MICU2: variants seen among roughly 807,000 people sequenced by gnomAD.
MICU2 encodes calcium uptake protein 2, mitochondrial.
MICU2 carries 64 observed loss-of-function variants against 60.4 expected under a neutral mutation model. That is an observed-to-expected ratio of 1.06 (90% CI 0.87 to 1.31). MICU2 has a LOEUF of 1.31. MICU2 is among the 50% of genes most tolerant of loss of function. The pLI is 0.00. For synonymous variants in MICU2, 201 were observed against 175.0 expected (o/e 1.15, Z -1.17); for missense variants, 569 against 531.0 (o/e 1.07, Z -0.70).
intron 2 of MICU2, among the ~76,000 whole-genome samples, chr13:21,551,594 C>A (rs552191299): frequency 8.6e-6 from 1 of 115,948 alleles, no homozygotes; most frequent in African/African-American, 3.3e-5. Context: ...CCCCTCCCCC[C>A]ACCCCACAAC....
At chr13:21,585,991 A>G (rs1244465889) in intron 1 of MICU2, among the ~76,000 whole-genome samples, 3 of 152,208 alleles carry the variant, frequency 2.0e-5, no homozygotes, top group East Asian at 3.8e-4. Flanking sequence ...AAGGTTTATG[A>G]AAAAACATTT....
intron 6 of MICU2, 80 bp downstream of exon 6, chr13:21,521,165 G>C: frequency 1.8e-6 from 2 of 1,108,272 alleles, no homozygotes; most frequent in Non-Finnish European, 1.3e-6. Context: ...ATACAATTTT[G>C]ATTTTAATGG....
In MICU2 at chr13:21,500,256, T is replaced by A. The variant is rs1179550252; in HGVS notation, c.933+2670A>T. 4.6e-5 allele frequency among the ~76,000 whole-genome samples: 7 copies of A among 152,182 alleles called. No individual in the cohort carries two copies. In the East Asian group the frequency reaches 1.3e-3, roughly 29 times the overall value. ...TTCTTTGTGTCTGACTCAATAGTCTTGTATCTTCTGCAAGCATCCATGAAA... is the reference window on the plus strand; with the variant it reads ...TTCTTTGTGTCTGACTCAATAGTCTAGTATCTTCTGCAAGCATCCATGAAA... On this transcript the variant is annotated intron_variant, in intron 9 of 11. Coordinates refer to ENST00000382374, the MANE Select transcript of MICU2 (RefSeq NM_152726.3).
intron 4 of MICU2, among the ~76,000 whole-genome samples, chr13:21,529,886 T>C (rs113733384): frequency 0.025 from 3,735 of 152,160 alleles, 115 homozygotes; most frequent in African/African-American, 0.073. Context: ...AGTAGATGTG[T>C]TGGAGGGATG....
intron 1 of MICU2, among the ~76,000 whole-genome samples, chr13:21,592,588 T>C (rs1303267637): frequency 6.6e-6 from 1 of 152,204 alleles, no homozygotes; most frequent in African/African-American, 2.4e-5. Context: ...ATATCCCTGA[T>C]GAACATTGAT....
At chr13:21,586,808 T>C (rs1593357591) in intron 1 of MICU2, among the ~76,000 whole-genome samples, 1 of 152,350 alleles carries the variant, frequency 6.6e-6, no homozygotes, top group East Asian at 1.9e-4. Flanking sequence ...CGCAGCATTT[T>C]TCTAAGTCAC....
chr13:21,603,988 C>T lies in MICU2; in HGVS notation c.161G>A (p.Ser54Asn), dbSNP rs769721021. The T allele has an allele frequency of 2.5e-6, 4 of 1,612,052 alleles. No homozygotes were observed. The highest frequency in any genetic ancestry group is 2.2e-5 in the South Asian group (2 of 91,052). Reference protein sequence around the residue: ...LAGAGAAWHHSRVSVAARDGS... With the variant: ...LAGAGAAWHHNRVSVAARDGS... ...ATCCCGCGCCGCAACACTGACGCGGCTGTGGTGCCAGGCCGCTCCTGCTCC... is the reference window on the plus strand; with the variant it reads ...ATCCCGCGCCGCAACACTGACGCGGTTGTGGTGCCAGGCCGCTCCTGCTCC... Residue 54 changes from serine to asparagine, a missense_variant, in exon 1 of 12, where the codon AGC (serine) becomes AAC (asparagine). By Grantham distance (46) the Ser-to-Asn change is conservative. Transcript: ENST00000382374.
chr13:21,516,017 C>T (rs1886560959), intron 6 of MICU2, among the ~76,000 whole-genome samples: 1 of 152,144 alleles, frequency 6.6e-6, no homozygotes, highest in South Asian at 2.1e-4. Context: ...CAGAATTCTA[C>T]AACAAGTCAC....
chr13:21,586,630 T>A (rs1341916279), intron 1 of MICU2, among the ~76,000 whole-genome samples: 1 of 152,136 alleles, frequency 6.6e-6, no homozygotes, highest in Admixed American at 6.5e-5. Flanking sequence ...CAGGCTGGCC[T>A]CAAACTCCTG....
intron 4 of MICU2, chr13:21,530,754 C>T (rs1886974296): frequency 1.8e-6 from 1 of 570,820 alleles, no homozygotes; most frequent in Non-Finnish European, 3.1e-6. Context: ...CAGCCCCCAC[C>T]CCAGCCATAC....
At chr13:21,540,203 A>G (rs1234751897) in intron 2 of MICU2, among the ~76,000 whole-genome samples, 1 of 152,174 alleles carries the variant, frequency 6.6e-6, no homozygotes, top group Non-Finnish European at 1.5e-5. Flanking sequence ...TTCCTACTGG[A>G]TAACAGAGAT....
Position 21,510,086 on chromosome 13 carries a change from C to G in MICU2, c.679G>C (p.Glu227Gln), listed in dbSNP as rs543958800. ...TGAAGAGTTGTGTTAATTTCAGGTTCTTTCACTATTGCTTCCTATTAAAAA... is the reference window on the plus strand; with the variant it reads ...TGAAGAGTTGTGTTAATTTCAGGTTGTTTCACTATTGCTTCCTATTAAAAA... ...ETGYQEAIVKEPEINTTLQMR... is the reference protein window; with the variant it reads ...ETGYQEAIVKQPEINTTLQMR... The change falls in exon 8 of 12, where the codon GAA becomes CAA. Residue 227 changes from glutamate (E) to glutamine (Q), a missense_variant. Transcript: ENST00000382374. 3 of 1,494,392 alleles carry G rather than the reference C, an allele frequency of 2.0e-6. No individual in the cohort carries two copies. Among genetic ancestry groups the G allele is most frequent in the East Asian group, 5.1e-5 (2 of 39,470 alleles). 92.6% of individuals were successfully genotyped at this position (1,494,392 alleles called of 1,614,324 possible). A position where few individuals can be genotyped will look rare whatever the true frequency, so the allele number is the denominator to read the frequency against.
At chr13:21,549,332 G>C (rs1378571117) in intron 2 of MICU2, among the ~76,000 whole-genome samples, 1 of 152,142 alleles carries the variant, frequency 6.6e-6, no homozygotes, top group Non-Finnish European at 1.5e-5. Flanking sequence ...CAGTTTTACA[G>C]AGCAGGAAGA....
intron 2 of MICU2, among the ~76,000 whole-genome samples, chr13:21,550,456 G>T (rs1163308337): frequency 6.6e-6 from 1 of 152,082 alleles, no homozygotes; most frequent in Non-Finnish European, 1.5e-5. Context: ...GGGGATTGCT[G>T]GAACCCAGGA....
At chr13:21,550,080 T>A (rs1272937346) in intron 2 of MICU2, among the ~76,000 whole-genome samples, 2 of 152,196 alleles carry the variant, frequency 1.3e-5, no homozygotes, top group Non-Finnish European at 2.9e-5. Context: ...GATTGTAAGG[T>A]CTAGCTGCAC....
intron 2 of MICU2, among the ~76,000 whole-genome samples, chr13:21,566,500 ATT>A (rs374021304): frequency 6.8e-6 from 1 of 147,074 alleles, no homozygotes. Context: ...ATCTAGTTTC[ATT>A]TTTTTTTTTG....
intron 2 of MICU2, among the ~76,000 whole-genome samples, chr13:21,566,569 A>T (rs1253393061): frequency 6.6e-6 from 1 of 152,088 alleles, no homozygotes; most frequent in African/African-American, 2.4e-5. Flanking sequence ...TAGCAATTAA[A>T]ACTTAAACTA....
intron 2 of MICU2, among the ~76,000 whole-genome samples, chr13:21,563,121 T>G (rs1248851363): frequency 6.6e-6 from 1 of 152,202 alleles, no homozygotes; most frequent in Admixed American, 6.5e-5. Context: ...TTTTTTCTTC[T>G]TTGGCTTCTT....
chr13:21,523,496 T>C lies in MICU2; in HGVS notation c.467-846A>G, dbSNP rs538986226. Among the ~76,000 whole-genome samples the C allele has an allele frequency of 4.6e-5, 7 of 152,358 alleles. No individual in the cohort carries two copies. The East Asian group carries it at 1.3e-3, about 29-fold the overall frequency. On this transcript the variant is annotated intron_variant, in intron 4 of 11. Transcript: ENST00000382374. ...ATACTGAGAGTCAAATTACACTATTTAAAACGTAGTAATTAGTTCTTTGTA... is the reference window on the plus strand; with the variant it reads ...ATACTGAGAGTCAAATTACACTATTCAAAACGTAGTAATTAGTTCTTTGTA...
Sources: gnomAD v4.1 joint callset for allele counts (sites outside exome capture counted in the v4.1 genomes callset) on GRCh38, gnomAD v4.1.1 for gene constraint, MANE v1.5 for transcripts, NCBI Gene and HGNC (gene_info 2026-07-23, HGNC 2026-07-21) for gene names.